ADGRL1: variants seen among roughly 807,000 people sequenced by gnomAD.
ADGRL1 encodes the protein CIRL-1.
A neutral mutation model predicts 148.9 loss-of-function variants in ADGRL1; 31 were observed. That is an observed-to-expected ratio of 0.21 (90% CI 0.16 to 0.28). The LOEUF is 0.28. Among genes scored for constraint, ADGRL1 ranks in the 10% least tolerant of loss-of-function variants. ADGRL1 has a pLI of 1.00. For missense variants in ADGRL1, 1,521 were observed against 2,058.8 expected, an observed-to-expected ratio of 0.74 and a Z score of 5.05; for synonymous variants, 937 against 900.3, an observed-to-expected ratio of 1.04 and a Z score of -0.73.
chr19:14,151,037 CG>C lies in ADGRL1; in HGVS notation c.4245del (p.Glu1416LysfsTer112). ...GGCGGGCGCGAGGTGTAGTAGATTTCGGGGGGGCCGGGGGGTGCGGGAGGGG... is the reference window on the plus strand; with the variant it reads ...GGCGGGCGCGAGGTGTAGTAGATTTCGGGGGGCCGGGGGGTGCGGGAGGGG... The part of the protein sequence containing the change: ...PPPPPAPPGP[P>X]EIYYTSRPPA... On this transcript the variant is annotated frameshift_variant, in exon 23 of 23. Transcript: ENST00000361434. LOFTEE classifies it high-confidence loss of function. 2 of 662,634 alleles carry C rather than the reference CG, an allele frequency of 3.0e-6. No homozygotes were observed. The highest frequency in any genetic ancestry group is 1.8e-6 in the Non-Finnish European group (1 of 553,398). 41.0% of individuals were successfully genotyped at this position (662,634 alleles called of 1,614,324 possible). A position where few individuals can be genotyped will look rare whatever the true frequency, so the allele number is the denominator to read the frequency against.
At chr19:14,163,486 GA>G (rs1183986124) in intron 4 of ADGRL1, 80 bp from the exon 5 acceptor site, 71 of 1,076,446 alleles carry the variant, frequency 6.6e-5, no homozygotes, top group Middle Eastern at 6.1e-4. Context: ...GAGAGAGAGA[GA>G]GAGAGAGAGA....
chr19:14,200,248 G>C (rs948611561), intron 1 of ADGRL1, among the ~76,000 whole-genome samples: 1 of 152,208 alleles, frequency 6.6e-6, no homozygotes, highest in South Asian at 2.1e-4. Context: ...TCGAGGAAGC[G>C]GGTTGTGAGC....
Position 14,158,008 on chromosome 19 carries a change from C to G in ADGRL1, c.2409G>C (p.Ser803=). The change falls in exon 13 of 23, where the codon TCG becomes TCC. Residue 803 remains serine, a synonymous_variant. Coordinates refer to ENST00000361434, the MANE Select transcript of ADGRL1 (RefSeq NM_014921.5). ...FNANCSFWNY[S]ERSMLGYWST... Reference sequence around the variant, plus strand: ...ACCAGTAGCCCAGCATGGAACGCTCCGAGTAGTTCCAGAAGGAGCAGTTAG... The same window carrying G: ...ACCAGTAGCCCAGCATGGAACGCTCGGAGTAGTTCCAGAAGGAGCAGTTAG... The G allele has an allele frequency of 6.2e-7, 1 of 1,614,186 alleles. No individual in the cohort carries two copies. The highest frequency in any genetic ancestry group is 8.5e-7 in the Non-Finnish European group (1 of 1,180,024).
At chr19:14,166,966 G>A (rs985061368) in intron 4 of ADGRL1, 19 of 1,596,794 alleles carry the variant, frequency 1.2e-5, no homozygotes, top group Non-Finnish European at 1.6e-5. Context: ...GTATGGTACA[G>A]GTAGAACAAA....
intron 3 of ADGRL1, among the ~76,000 whole-genome samples, chr19:14,173,524 G>A (rs974514166): frequency 1.3e-5 from 2 of 152,194 alleles, no homozygotes; most frequent in African/African-American, 4.8e-5. Context: ...TCCCCAGTGG[G>A]TAAGTGGGGA....
chr19:14,157,909 G>A lies in ADGRL1; in HGVS notation c.2508C>T (p.Phe836=), dbSNP rs777050161. 3.1e-5 allele frequency: 50 copies of A among 1,614,068 alleles called. No individual in the cohort carries two copies. The highest frequency in any genetic ancestry group is 2.4e-4 in the African/African-American group (18 of 74,940). Residue 836 remains phenylalanine (F), a synonymous_variant, in exon 13 of 23, where the codon TTC becomes TTT. Transcript: ENST00000361434. The surrounding 1 kb of genome is among the most constrained non-coding windows in gnomAD (Gnocchi z 7.5). ...TCTCACGGTGAGCCATGAGCACAGCGAAGTTGGTGAGGTGGCTGCAGGCAC... is the reference window on the plus strand; with the variant it reads ...TCTCACGGTGAGCCATGAGCACAGCAAAGTTGGTGAGGTGGCTGCAGGCAC... ...TTCACSHLTN[F]AVLMAHREIY...
At chr19:14,156,547 G>A in intron 16 of ADGRL1, 111 bp downstream of exon 16, 1 of 791,990 alleles carries the variant, frequency 1.3e-6, no homozygotes, top group Admixed American at 2.2e-5. Context: ...TGTGGAGAGA[G>A]AGAGAGTGTG....
intron 4 of ADGRL1, among the ~76,000 whole-genome samples, chr19:14,166,446 C>T (rs977312699): frequency 6.6e-6 from 1 of 152,090 alleles, no homozygotes; most frequent in African/African-American, 2.4e-5. Flanking sequence ...GAGCCCGAGA[C>T]ATAGGAGAAT....
At chr19:14,156,568 G>GTGTGTGTGT in intron 16 of ADGRL1, 90 bp downstream of exon 16, 1 of 825,198 alleles carries the variant, frequency 1.2e-6, no homozygotes, top group Non-Finnish European at 1.9e-6. Context: ...TGTGTGTGTG[G>GTGTGTGTGT]GGGGGGTGGG....
At position 14,151,000 on chromosome 19, in the gene ADGRL1, G is replaced by A; in HGVS notation, c.4283C>T (p.Ala1428Val). The A allele has an allele frequency of 7.3e-7, 1 of 1,362,270 alleles. No individual in the cohort carries two copies. The highest frequency in any genetic ancestry group is 9.7e-7 in the Non-Finnish European group (1 of 1,026,660). 84.4% of individuals were successfully genotyped at this position (1,362,270 alleles called of 1,614,324 possible). A position where few individuals can be genotyped will look rare whatever the true frequency, so the allele number is the denominator to read the frequency against. The change falls in exon 23 of 23, where the codon GCC (alanine) becomes GTC (valine). Residue 1428 changes from alanine (A) to valine (V), a missense_variant. Coordinates refer to ENST00000361434, the MANE Select transcript of ADGRL1 (RefSeq NM_014921.5). ...YYTSRPPALVARNPLQGYYQV... is the reference protein window; with the variant it reads ...YYTSRPPALVVRNPLQGYYQV... ...GTAGTAGCCCTGCAGGGGATTCCGG[G>A]CCACCAGGGCTGGCGGGCGCGAGGT...
At position 14,152,167 on chromosome 19, in the gene ADGRL1, G is replaced by A; in HGVS notation, c.3650-17C>T. 6.2e-7 allele frequency: 1 copy of A among 1,614,156 alleles called. No individual in the cohort carries two copies. The highest frequency in any genetic ancestry group is 1.1e-5 in the South Asian group (1 of 91,086). The stretch of plus-strand genomic sequence containing the variant: ...GGTAGCTCCCTGCAGGTGGCAGCCA[G>A]AAGAGAGAAGAGAAAAGGCAAGGAT... On this transcript the variant is annotated splice_polypyrimidine_tract_variant and intron_variant, in intron 21 of 22. Transcript: ENST00000361434. This position sits in a 1 kb window ranked among gnomAD's most constrained non-coding sequence, Gnocchi z 6.1.
rs1380414493 is a variant in ADGRL1 at position 14,152,836 on chromosome 19, G to A, written c.3371C>T (p.Ser1124Phe). 1 of 1,614,094 alleles carries A rather than the reference G, an allele frequency of 6.2e-7. No homozygotes were observed. Among genetic ancestry groups the A allele is most frequent in the African/African-American group, 1.3e-5 (1 of 74,942 alleles). Residue 1124 changes from serine to phenylalanine, a missense_variant, in exon 19 of 23, where the codon TCC (serine) becomes TTC (phenylalanine). This residue lies in a region of ADGRL1 where 185 missense variants were observed against 251.7 expected (regional missense o/e 0.74). Coordinates refer to ENST00000361434, the MANE Select transcript of ADGRL1 (RefSeq NM_014921.5). The surrounding 1 kb of genome is among the most constrained non-coding windows in gnomAD (Gnocchi z 6.1). ...GCTTCGCATGGCTGAGGTCTTGAGG[G>A]ATCCGTGAGTGCCCCCGGGTGGGGA... Reference protein sequence around the residue: ...IRSPPGGTHGSLKTSAMRSNT... With the variant: ...IRSPPGGTHGFLKTSAMRSNT...
intron 3 of ADGRL1, among the ~76,000 whole-genome samples, chr19:14,175,176 T>C (rs1970735641): frequency 6.6e-6 from 1 of 152,168 alleles, no homozygotes. Context: ...TGATCAGCTC[T>C]ACATGGACTG....
Position 14,156,951 on chromosome 19 carries a change from G to A in ADGRL1, c.2940C>T (p.Asp980=), listed in dbSNP as rs769178773. ...CCTTCTCGGTGCCGTAGCTGCGGTA[G>A]TCAATGGCAGCCGCGATGCCCACCA... ...ALVVGIAAAI[D]YRSYGTEKAC... The change falls in exon 15 of 23, where the codon GAC becomes GAT. Residue 980 remains aspartate, a synonymous_variant. Transcript: ENST00000361434. 5.6e-6 allele frequency: 9 copies of A among 1,612,410 alleles called. No individual in the cohort carries two copies. The African/African-American group carries it at 9.4e-5, about 17-fold the overall frequency.
rs2096606044 is a variant in ADGRL1 at position 14,148,598 on chromosome 19, AT to A, written c.*2274del. 1 of 152,652 alleles carries A rather than the reference AT, an allele frequency of 6.6e-6. No individual in the cohort carries two copies. Among genetic ancestry groups the A allele is most frequent in the African/African-American group, 2.4e-5 (1 of 41,440 alleles). The allele number at this position is 152,652 out of a possible 1,614,324, so 9.5% of individuals were successfully genotyped here. ...AGCCTAGTGCAGTCCGGGAAGGGCC[AT>A]GGAACTGTCCCTTGCCCTCCTCAGA... On this transcript the variant is annotated 3_prime_UTR_variant, in exon 23 of 23. Transcript: ENST00000361434.
intron 4 of ADGRL1, 132 bp downstream of exon 4, chr19:14,170,550 G>A: frequency 1.6e-6 from 1 of 612,214 alleles, no homozygotes; most frequent in Non-Finnish European, 3.0e-6. Context: ...GTGTTGGAGA[G>A]AGCAGGCCCG....
intron 3 of ADGRL1, among the ~76,000 whole-genome samples, chr19:14,176,673 C>T (rs115655557): frequency 0.022 from 3,294 of 151,382 alleles, 113 homozygotes; most frequent in African/African-American, 0.076. Context: ...CCTGCCTCTA[C>T]AAAAAATAAA....
chr19:14,190,810 G>T (rs1029078236), intron 1 of ADGRL1, among the ~76,000 whole-genome samples: 1 of 152,104 alleles, frequency 6.6e-6, no homozygotes, highest in Non-Finnish European at 1.5e-5. Context: ...AATCTTGGCC[G>T]GGCGCAGTGG....
chr19:14,156,040 T>TTA, intron 17 of ADGRL1, 70 bp downstream of exon 17: 2 of 1,084,612 alleles, frequency 1.8e-6, no homozygotes, highest in Non-Finnish European at 2.6e-6. Context: ...TAGGACACCC[T>TTA]GGAAGAGGTG....
Sources: gnomAD v4.1 joint callset for allele counts (sites outside exome capture counted in the v4.1 genomes callset) on GRCh38, gnomAD v4.1.1 for gene constraint, gnomAD v4.1.1 regional missense constraint, Gnocchi (gnomAD v3.1) non-coding constraint, MANE v1.5 for transcripts, NCBI Gene and HGNC (gene_info 2026-07-23, HGNC 2026-07-21) for gene names.